USP36: variants seen among roughly 807,000 people sequenced by gnomAD.
The protein encoded by USP36 is ubiquitin specific peptidase 36.
In USP36, 59 loss-of-function variants were observed where a neutral mutation model predicts 111.5. The ratio of observed to expected loss-of-function variants is 0.53; its 90% CI spans 0.43 to 0.66. USP36 has a LOEUF of 0.66. Ranked by LOEUF, USP36 falls within the 30% of genes least tolerant of loss-of-function variation. The pLI is 0.00. For missense variants in USP36, 1,488 were observed against 1,468.0 expected (o/e 1.01, Z -0.22); for synonymous variants, 628 against 581.0 (o/e 1.08, Z -1.16).
chr17:78,807,779 G>C (rs746120067), intron 13 of USP36, 143 bp from the exon 14 acceptor site: 93 of 876,442 alleles, frequency 1.1e-4, no homozygotes, highest in Non-Finnish European at 1.4e-4. Context: ...CTGGACTCTT[G>C]GTAAAGACAC....
chr17:78,798,653 A>G lies in USP36; in HGVS notation c.3241-102T>C, dbSNP rs189666197. 4.1e-5 allele frequency: 64 copies of G among 1,551,522 alleles called. No individual in the cohort carries two copies. The Admixed American group carries it at 1.1e-3, about 26-fold the overall frequency. On this transcript the variant is annotated intron_variant, in intron 19 of 20. Coordinates refer to ENST00000449938, the MANE Select transcript of USP36 (RefSeq NM_001385174.1). This position sits in a 1 kb window ranked among gnomAD's most constrained non-coding sequence, Gnocchi z 5.1. ...GGTCCTGCACACAGGCCGGGCTCTCATGAGCTCTCTGGAGACCCACTCTTC... is the reference window on the plus strand; with the variant it reads ...GGTCCTGCACACAGGCCGGGCTCTCGTGAGCTCTCTGGAGACCCACTCTTC...
Position 78,836,380 on chromosome 17 carries a change from G to T in USP36, c.-9-8C>A, listed in dbSNP as rs747899194. ...TATTGGCATGGTGCATCACTGTGGG[G>T]ACAAGAAGAAACATAGAGCCATAGA... is the stretch of plus-strand genomic sequence containing the variant. On this transcript the variant is annotated splice_region_variant and splice_polypyrimidine_tract_variant and intron_variant, in intron 2 of 20. Transcript: ENST00000449938. 1 of 1,611,512 alleles carries T rather than the reference G, an allele frequency of 6.2e-7. No individual in the cohort carries two copies. Among genetic ancestry groups the T allele is most frequent in the South Asian group, 1.1e-5 (1 of 90,968 alleles).
At chr17:78,815,798 GCATA>G (rs542957495) in intron 10 of USP36, among the ~76,000 whole-genome samples, 167 of 151,898 alleles carry the variant, frequency 1.1e-3, no homozygotes, top group Non-Finnish European at 2.1e-3. Flanking sequence ...ATACATACAT[GCATA>G]CATACATCGT....
At chr17:78,791,229 G>A (rs897569519), downstream of USP36, among the ~76,000 whole-genome samples, 4 of 151,360 alleles carry the variant, frequency 2.6e-5, no homozygotes, top group Admixed American at 1.3e-4. Flanking sequence ...CCACCTCCCG[G>A]GTTCAAGCGA....
intron 18 of USP36, among the ~76,000 whole-genome samples, 192 bp from the exon 19 acceptor site, chr17:78,799,215 A>C (rs892057962): frequency 6.6e-6 from 1 of 152,344 alleles, no homozygotes; most frequent in African/African-American, 2.4e-5. Flanking sequence ...TGGAACCCCC[A>C]GCGATGCCCT....
chr17:78,829,754 T>C (rs995655310), intron 4 of USP36, among the ~76,000 whole-genome samples: 1 of 152,220 alleles, frequency 6.6e-6, no homozygotes, highest in African/African-American at 2.4e-5. Flanking sequence ...AGTGGTCCTT[T>C]TTTTTTGAGA....
rs58212356 is a variant in USP36, at chr17:78,829,131, G to C, written c.476-124C>G. 0.018 allele frequency: 12,817 copies of C among 710,236 alleles called. 1,110 individuals are homozygous for C. The African/African-American group carries it at 0.2, about 11-fold the overall frequency. The allele number at this position is 710,236 out of a possible 1,614,324, so 44.0% of individuals were successfully genotyped here. On this transcript the variant is annotated intron_variant, in intron 4 of 20. Coordinates refer to ENST00000449938, the MANE Select transcript of USP36 (RefSeq NM_001385174.1). ...CAGGTAAGAGCAAACCAGGCTGTGA[G>C]AGAACGGCTGAGCCAGAGATCCCAG...
Position 78,802,308 on chromosome 17 carries a change from C to T in USP36, c.3022+16G>A. On this transcript the variant is annotated intron_variant, in intron 17 of 20. Coordinates refer to ENST00000449938, the MANE Select transcript of USP36 (RefSeq NM_001385174.1). ...TGCACACCCATGCGGTTCCCACCCCCTCGCCCGGTGCATACCCATGCGGTC... is the reference window on the plus strand; with the variant it reads ...TGCACACCCATGCGGTTCCCACCCCTTCGCCCGGTGCATACCCATGCGGTC... The T allele has an allele frequency of 6.4e-7, 1 of 1,553,526 alleles. No individual in the cohort carries two copies. The highest frequency in any genetic ancestry group is 1.2e-5 in the South Asian group (1 of 85,120).
At chr17:78,811,278 C>T (rs1160500250) in intron 13 of USP36, among the ~76,000 whole-genome samples, 2 of 151,798 alleles carry the variant, frequency 1.3e-5, no homozygotes, top group Non-Finnish European at 2.9e-5. Flanking sequence ...ATTTCAAATA[C>T]ACACAAAGGT....
At position 78,802,555 on chromosome 17, in the gene USP36, A is replaced by G. The variant is rs1296620606; in HGVS notation, c.2811-20T>C. ...GAGCAGCTGCTTGGAAGTGAGAGGC[A>G]GCAGTCAGCTCTGAGCAAATTGGAA... On this transcript the variant is annotated intron_variant, in intron 16 of 20. Transcript: ENST00000449938. The G allele has an allele frequency of 6.3e-7, 1 of 1,595,392 alleles. No homozygotes were observed. The highest frequency in any genetic ancestry group is 1.3e-5 in the African/African-American group (1 of 74,680).
At chr17:78,815,814 TAC>T (rs1287724609) in intron 10 of USP36, among the ~76,000 whole-genome samples, 12 of 150,166 alleles carry the variant, frequency 8.0e-5, no homozygotes, top group African/African-American at 2.3e-4. Flanking sequence ...ATACATCGTA[TAC>T]ACACATGCAC....
At chr17:78,813,048 C>T (rs777259741) in intron 12 of USP36, 47 bp from the exon 13 acceptor site, 69 of 1,609,702 alleles carry the variant, frequency 4.3e-5, no homozygotes, top group Non-Finnish European at 5.4e-5. Flanking sequence ...CTAGGCATTA[C>T]AGAAACGGAG....
At chr17:78,799,825 A>C in intron 17 of USP36, 57 bp from the exon 18 acceptor site, 7 of 1,304,406 alleles carry the variant, frequency 5.4e-6, no homozygotes, top group Non-Finnish European at 7.4e-6. Flanking sequence ...CCACTGGGGA[A>C]GCAATCGCAC....
intron 6 of USP36, among the ~76,000 whole-genome samples, chr17:78,825,171 C>T (rs915014937): frequency 1.4e-4 from 22 of 152,128 alleles, no homozygotes; most frequent in African/African-American, 5.3e-4. Flanking sequence ...CAAACCAACA[C>T]CCTGGCAGTC....
At chr17:78,824,952 T>C (rs2067402814) in intron 6 of USP36, among the ~76,000 whole-genome samples, 1 of 152,120 alleles carries the variant, frequency 6.6e-6, no homozygotes, top group South Asian at 2.1e-4. Context: ...AAAGCAACGA[T>C]CCTCAATGAA....
At position 78,798,919 on chromosome 17, in the gene USP36, C is replaced by T; in HGVS notation, c.3229G>A (p.Asp1077Asn). 1 of 1,614,114 alleles carries T rather than the reference C, an allele frequency of 6.2e-7. No individual in the cohort carries two copies. Among genetic ancestry groups the T allele is most frequent in the Non-Finnish European group, 8.5e-7 (1 of 1,180,044 alleles). Reference sequence around the variant, plus strand: ...ATCACACATCATACCTTCCCTCGGTCAAACTCTTCGTCCCAGTCATCAACC... The same window carrying T: ...ATCACACATCATACCTTCCCTCGGTTAAACTCTTCGTCCCAGTCATCAACC... ...TVVDDWDEEF[D>N]RGKEKKIKKF... is the part of the protein sequence containing the mutation. The change falls in exon 19 of 21, where the codon GAC (aspartate) becomes AAC (asparagine). Residue 1077 changes from aspartate (D) to asparagine (N), a missense_variant. Asp to Asn is a conservative substitution (Grantham distance 23). Around this residue, in one of 3 missense-constraint regions of USP36, gnomAD observed 1,073 missense variants for 994.1 expected, o/e 1.08. Transcript: ENST00000449938. The surrounding 1 kb of genome is among the most constrained non-coding windows in gnomAD (Gnocchi z 5.1).
intron 5 of USP36, 88 bp from the exon 6 acceptor site, chr17:78,827,435 G>T: frequency 1.6e-6 from 2 of 1,283,164 alleles, no homozygotes; most frequent in Non-Finnish European, 2.1e-6. Flanking sequence ...ATTCCTGGCT[G>T]TTATAAGGGG....
rs149658711 is a variant in USP36 at position 78,825,785 on chromosome 17, T to C, written c.689+1460A>G. Among the ~76,000 whole-genome samples the C allele has an allele frequency of 3.4e-3, 521 of 152,276 alleles. 3 individuals carry two copies. Among genetic ancestry groups the C allele is most frequent in the Non-Finnish European group, 5.9e-3 (400 of 68,000 alleles). The stretch of plus-strand genomic sequence containing the variant: ...GTGCCCAGAGCCAGGCCCCCTGCTA[T>C]AGGCTCGCTGCACTCCCCCTGCAGG... On this transcript the variant is annotated intron_variant, in intron 6 of 20. Transcript: ENST00000449938.
chr17:78,790,841 G>A (rs184443218), downstream of USP36, among the ~76,000 whole-genome samples: 1 of 152,288 alleles, frequency 6.6e-6, no homozygotes, highest in East Asian at 1.9e-4. Context: ...TAAATACCTA[G>A]ATCCTGCTTA....
Sources: gnomAD v4.1 joint callset for allele counts (sites outside exome capture counted in the v4.1 genomes callset) on GRCh38, gnomAD v4.1.1 for gene constraint, gnomAD v4.1.1 regional missense constraint, Gnocchi (gnomAD v3.1) non-coding constraint, MANE v1.5 for transcripts, NCBI Gene and HGNC (gene_info 2026-07-23, HGNC 2026-07-21) for gene names.